TSR1: variants seen among roughly 807,000 people sequenced by gnomAD.
The protein encoded by TSR1 is pre-rRNA-processing protein TSR1 homolog.
TSR1 carries 81 observed loss-of-function variants against 90.9 expected under a neutral mutation model. The observed-to-expected ratio is 0.89, with a 90% CI of 0.74 to 1.07. The LOEUF (loss-of-function observed/expected upper bound fraction) is 1.07. Among genes scored for constraint, TSR1 ranks in the 50% least tolerant of loss-of-function variants. The probability of loss-of-function intolerance (pLI) is 0.00; values close to 1 mark genes in which losing one functional copy is unlikely to be tolerated. For missense variants in TSR1, 989 were observed against 987.3 expected, an observed-to-expected ratio of 1.00 and a Z score of -0.02; for synonymous variants, 362 against 348.8, an observed-to-expected ratio of 1.04 and a Z score of -0.42.
intron 4 of TSR1, 93 bp downstream of exon 4, chr17:2,335,167 G>T: frequency 7.4e-7 from 1 of 1,354,744 alleles, no homozygotes. Context: ...CCCACCACCA[G>T]CTGAATATGA....
At chr17:2,330,684 GA>G in intron 9 of TSR1, 59 bp from the exon 10 acceptor site, 1 of 1,533,406 alleles carries the variant, frequency 6.5e-7, no homozygotes, top group East Asian at 2.3e-5. Flanking sequence ...CAATAGCGAG[GA>G]AGCTTTCTCC....
At position 2,333,057 on chromosome 17, in the gene TSR1, T is replaced by C. The variant is rs201229595; in HGVS notation, c.1209A>G (p.Glu403=). The stretch of plus-strand genomic sequence containing the variant: ...TTTGGCTGCCACCATCCAAAATCCA[T>C]TCAGCTTGGTAACTGGATGTTCCTT... The part of the protein sequence containing the change: ...VPKGTSSYQA[E]WILDGGSQSG... The change falls in exon 7 of 15, where the codon GAA becomes GAG. Residue 403 remains glutamate (E), a synonymous_variant. Transcript: ENST00000301364. The C allele has an allele frequency of 4.3e-5, 70 of 1,614,174 alleles. No individual in the cohort carries two copies. The South Asian group carries it at 6.3e-4, about 14-fold the overall frequency.
At chr17:2,335,419 A>C in intron 3 of TSR1, 25 bp from the exon 4 acceptor site, 1 of 1,609,670 alleles carries the variant, frequency 6.2e-7, no homozygotes, top group Non-Finnish European at 8.5e-7. Flanking sequence ...CACAGTAAGA[A>C]GAGGTGGTTG....
At chr17:2,335,933 T>G in intron 2 of TSR1, 104 bp downstream of exon 2, 1 of 1,341,598 alleles carries the variant, frequency 7.5e-7, no homozygotes, top group African/African-American at 1.4e-5. Flanking sequence ...TCTAGGGCTA[T>G]GCTCTGTCCC....
chr17:2,332,349 C>G lies in TSR1; in HGVS notation c.1316G>C (p.Ser439Thr). Residue 439 changes from serine (S) to threonine (T), a missense_variant, in exon 8 of 15, where the codon AGT (serine) becomes ACT (threonine). By Grantham distance (58) the Ser-to-Thr change is moderately conservative. Coordinates refer to ENST00000301364, the MANE Select transcript of TSR1 (RefSeq NM_018128.5). ...FMEEESQDES[S>T]EEEEEYETMT... ...AGTTTCATATTCTTCCTCTTCTTCA[C>G]TACTCTCATCCTGTAGAATAGGATT... 2 of 1,602,256 alleles carry G rather than the reference C, an allele frequency of 1.2e-6. No homozygotes were observed. The highest frequency in any genetic ancestry group is 1.7e-6 in the Non-Finnish European group (2 of 1,176,702).
Position 2,331,035 on chromosome 17 carries a change from T to A in TSR1, c.1571A>T (p.Tyr524Phe), listed in dbSNP as rs746857804. The change falls in exon 9 of 15, where the codon TAT becomes TTT. Residue 524 changes from tyrosine (Y) to phenylalanine (F), a missense_variant. Transcript: ENST00000301364. ...GTTCTGAAACTGAAATATTCGAGCA[T>A]AATCTTGAGGAAGGTTTTCCTTAGG... ...WDPKENLPQDYARIFQFQNFT... is the reference protein window; with the variant it reads ...WDPKENLPQDFARIFQFQNFT... 6.2e-6 allele frequency: 10 copies of A among 1,612,476 alleles called. No homozygotes were observed. In the South Asian group the frequency reaches 1.1e-4, roughly 18 times the overall value.
At chr17:2,331,236 C>A (rs2064001306) in intron 8 of TSR1, 127 bp from the exon 9 acceptor site, 3 of 752,978 alleles carry the variant, frequency 4.0e-6, no homozygotes, top group Non-Finnish European at 6.0e-6. Flanking sequence ...TCCAAACAAC[C>A]CAACAGCTTA....
chr17:2,335,934 GCT>G, intron 2 of TSR1, 101 bp downstream of exon 2: 1 of 1,346,466 alleles, frequency 7.4e-7, no homozygotes, highest in Non-Finnish European at 1.0e-6. Context: ...CTAGGGCTAT[GCT>G]CTGTCCCTGG....
intron 7 of TSR1, 108 bp downstream of exon 7, chr17:2,332,853 A>T: frequency 7.5e-6 from 9 of 1,192,258 alleles, no homozygotes; most frequent in Non-Finnish European, 1.0e-5. Context: ...AAAAAATAAA[A>T]AAAATAAAAA....
At chr17:2,330,248 C>G (rs773394472) in intron 10 of TSR1, 6 of 584,072 alleles carry the variant, frequency 1.0e-5, no homozygotes, top group Non-Finnish European at 2.0e-5. Context: ...GCTGCCAACC[C>G]TTATTCAAAA....
Position 2,323,922 on chromosome 17 carries a change from A to T in TSR1, c.*274T>A. ...AATTCAGTGTCTTTAGATACTGAAG[A>T]CATTTTGTTTCCTAGTATTGTCAAC... On this transcript the variant is annotated 3_prime_UTR_variant, in exon 15 of 15. Transcript: ENST00000301364. 6.6e-7 allele frequency: 1 copy of T among 1,518,266 alleles called. No homozygotes were observed. Among genetic ancestry groups the T allele is most frequent in the Non-Finnish European group, 9.1e-7 (1 of 1,099,850 alleles). 94.0% of individuals were successfully genotyped at this position (1,518,266 alleles called of 1,614,324 possible).
In TSR1 at chr17:2,324,381, A is replaced by G. The variant is rs763055907; in HGVS notation, c.2237-7T>C. ...TTCATGTGGCCATGGGTACCTAGAA[A>G]GACATCAGAACAAGTCGGTCAAATT... is the stretch of plus-strand genomic sequence containing the variant. On this transcript the variant is annotated splice_polypyrimidine_tract_variant and splice_region_variant and intron_variant, in intron 14 of 14. Transcript: ENST00000301364. 10 of 1,577,996 alleles carry G rather than the reference A, an allele frequency of 6.3e-6. No individual in the cohort carries two copies. Among genetic ancestry groups the G allele is most frequent in the Non-Finnish European group, 8.6e-6 (10 of 1,164,220 alleles).
At position 2,332,321 on chromosome 17, in the gene TSR1, C is replaced by T. The variant is rs770449854; in HGVS notation, c.1344G>A (p.Met448Ile). The T allele has an allele frequency of 1.2e-6, 2 of 1,607,508 alleles. No individual in the cohort carries two copies. Among genetic ancestry groups the T allele is most frequent in the Admixed American group, 3.5e-5 (2 of 57,846 alleles). Reference protein sequence around the residue: ...SSEEEEEYETMTIGESVHDDL... With the variant: ...SSEEEEEYETITIGESVHDDL... ...CATCATGCACAGACTCCCCAATAGT[C>T]ATAGTTTCATATTCTTCCTCTTCTT... The change falls in exon 8 of 15, where the codon ATG becomes ATA. Residue 448 changes from methionine to isoleucine, a missense_variant. Transcript: ENST00000301364.
At position 2,332,997 on chromosome 17, in the gene TSR1, A is replaced by G. The variant is rs756441539; in HGVS notation, c.1269T>C (p.Asp423=). The G allele has an allele frequency of 1.9e-6, 3 of 1,613,348 alleles. No homozygotes were observed. The Admixed American group carries it at 5.0e-5, about 27-fold the overall frequency. Residue 423 remains aspartate (D), a synonymous_variant, in exon 7 of 15, where the codon GAT becomes GAC. Transcript: ENST00000301364. ...CCTCCATAAAATCCTCATGTTCCAT[A>G]TCATCATATTCATATTCATCTCCTT... ...GGEGDEYEYD[D]MEHEDFMEEE...
At chr17:2,335,874 G>A (rs762936760) in intron 2 of TSR1, 144 bp from the exon 3 acceptor site, 12 of 1,257,274 alleles carry the variant, frequency 9.5e-6, no homozygotes, top group African/African-American at 1.5e-5. Flanking sequence ...GGGGTGGCAG[G>A]AATTCTGACC....
rs141850371 is a variant in TSR1, at chr17:2,334,580, G to A, written c.873C>T (p.Ile291=). The A allele has an allele frequency of 2.5e-6, 4 of 1,614,032 alleles. No individual in the cohort carries two copies. Among genetic ancestry groups the A allele is most frequent in the East Asian group, 2.2e-5 (1 of 44,900 alleles). Residue 291 remains isoleucine, a synonymous_variant, in exon 5 of 15, where the codon ATC becomes ATT. Transcript: ENST00000301364. ...TCATCTGGAAATCACCATATCCAAC[G>A]ATATGCAGCAACCTATTGACATTCA... ...QTLNVNRLLH[I]VGYGDFQMKQ...
chr17:2,331,299 C>T (rs1383770900), intron 8 of TSR1, among the ~76,000 whole-genome samples, 190 bp from the exon 9 acceptor site: 1 of 152,194 alleles, frequency 6.6e-6, no homozygotes, highest in African/African-American at 2.4e-5. Flanking sequence ...GAACCAAACC[C>T]AAGCTTCTCA....
At position 2,323,831 on chromosome 17, in the gene TSR1, G is replaced by A; in HGVS notation, c.*365C>T. 1 of 1,614,202 alleles carries A rather than the reference G, an allele frequency of 6.2e-7. No homozygotes were observed. ...TAACCTCCTCCATAACTTGGGTGAA[G>A]CAGGCTGAAAGGCCAGCTTCTTATC... On this transcript the variant is annotated 3_prime_UTR_variant, in exon 15 of 15. Transcript: ENST00000301364.
chr17:2,325,916 A>G (rs529305300), intron 11 of TSR1, among the ~76,000 whole-genome samples: 1 of 152,004 alleles, frequency 6.6e-6, no homozygotes, highest in Non-Finnish European at 1.5e-5. Context: ...AGGCTGTATC[A>G]GTAACTTTTT....
Sources: allele counts gnomAD v4.1 joint callset (sites outside exome capture counted in the v4.1 genomes callset), GRCh38; gene constraint gnomAD v4.1.1; transcripts MANE v1.5; gene names NCBI Gene and HGNC (gene_info 2026-07-23, HGNC 2026-07-21).